BPTF: variants seen among roughly 807,000 people sequenced by gnomAD.
BPTF encodes bromodomain PHD finger transcription factor.
Under a neutral mutation model 292.5 loss-of-function variants are expected in BPTF, and 18 were observed. That is an observed-to-expected ratio of 0.06 (90% CI 0.04 to 0.09). BPTF has a LOEUF of 0.09. Among genes scored for constraint, BPTF ranks in the 10% least tolerant of loss-of-function variants. The pLI, the probability that BPTF is intolerant of heterozygous loss-of-function variation, is 1.00. For synonymous variants in BPTF, 1,225 were observed against 1,251.9 expected (o/e 0.98, Z 0.45); for missense variants, 2,726 against 3,498.7 (o/e 0.78, Z 5.57).
In BPTF at chr17:67,944,295, G is replaced by A. The variant is rs1480688167; in HGVS notation, c.6623G>A (p.Arg2208Gln). 2 of 1,614,154 alleles carry A rather than the reference G, an allele frequency of 1.2e-6. No individual in the cohort carries two copies. Among genetic ancestry groups the A allele is most frequent in the Non-Finnish European group, 1.7e-6 (2 of 1,180,036 alleles). Residue 2208 changes from arginine to glutamine, a missense_variant, in exon 20 of 28, where the codon CGA becomes CAA. Coordinates refer to ENST00000306378, the MANE Select transcript of BPTF (RefSeq NM_182641.4). The part of the protein sequence containing the change: ...QAAMPNGTVQ[R>Q]FLFTPLATTA... The stretch of plus-strand genomic sequence containing the variant: ...GCAATGCCAAATGGTACTGTTCAGC[G>A]ATTCCTCTTTACCCCATTGGCAACA...
At chr17:67,909,836 G>C (rs1254086879) in intron 10 of BPTF, 75 bp downstream of exon 10, 1 of 1,243,464 alleles carries the variant, frequency 8.0e-7, no homozygotes, top group Admixed American at 2.9e-5. Flanking sequence ...CCACAGGAAA[G>C]GTACTGCGTT....
intron 1 of BPTF, among the ~76,000 whole-genome samples, chr17:67,836,764 T>G (rs1016817289): frequency 4.6e-5 from 7 of 152,238 alleles, no homozygotes; most frequent in African/African-American, 1.4e-4. Context: ...GCAAAATTAT[T>G]TCACACACTT....
chr17:67,976,079 AAAAT>A (rs1256898522), intron 27 of BPTF, 121 bp downstream of exon 27: 1 of 737,580 alleles, frequency 1.4e-6, no homozygotes, highest in African/African-American at 1.8e-5. Flanking sequence ...CTTTAAAAAA[AAAAT>A]AAATAAATCA....
chr17:67,863,917 T>C (rs1488165902), intron 2 of BPTF, among the ~76,000 whole-genome samples: 1 of 151,786 alleles, frequency 6.6e-6, no homozygotes, highest in Non-Finnish European at 1.5e-5. Context: ...TGTAGACATA[T>C]AATATGTATG....
At chr17:67,844,189 C>T (rs1478400719) in intron 1 of BPTF, among the ~76,000 whole-genome samples, 12 of 149,340 alleles carry the variant, frequency 8.0e-5, no homozygotes, top group South Asian at 4.3e-4. Context: ...AAGTGAGTCT[C>T]GTGCCACAGC....
chr17:67,969,350 G>C (rs2068495760), intron 26 of BPTF, among the ~76,000 whole-genome samples: 1 of 149,764 alleles, frequency 6.7e-6, no homozygotes, highest in South Asian at 2.1e-4. Context: ...TACTAAGGAG[G>C]CTGAGGCACA....
Position 67,904,792 on chromosome 17 carries a change from A to G in BPTF, c.2764A>G (p.Lys922Glu). Residue 922 changes from lysine to glutamate, a missense_variant, in exon 9 of 28, where the codon AAA becomes GAA. By Grantham distance (56) the Lys-to-Glu change is moderately conservative (BLOSUM62 1). Around this residue, in one of 22 missense-constraint regions of BPTF, gnomAD observed 99 missense variants for 227.1 expected, o/e 0.44. Coordinates refer to ENST00000306378, the MANE Select transcript of BPTF (RefSeq NM_182641.4). The stretch of plus-strand genomic sequence containing the variant: ...AACTCATGTTTATAGGTTTGTTCCT[A>G]AATTGCCAGGCAATACTAATGTGAA... ...SKTHVYRFVP[K>E]LPGNTNVNYR... 1 of 1,613,226 alleles carries G rather than the reference A, an allele frequency of 6.2e-7. No homozygotes were observed. Among genetic ancestry groups the G allele is most frequent in the Non-Finnish European group, 8.5e-7 (1 of 1,179,328 alleles).
At chr17:67,919,398 A>G (rs1200170025) in intron 12 of BPTF, among the ~76,000 whole-genome samples, 3 of 151,912 alleles carry the variant, frequency 2.0e-5, no homozygotes, top group Admixed American at 1.3e-4. Context: ...AAAGAAAAAA[A>G]TCAACTAGGC....
At position 67,983,099 on chromosome 17, in the gene BPTF, A is replaced by C. The variant is rs1489965961; in HGVS notation, c.*811A>C. 6.6e-6 allele frequency: 1 copy of C among 152,544 alleles called. No individual in the cohort carries two copies. Among genetic ancestry groups the C allele is most frequent in the Non-Finnish European group, 1.5e-5 (1 of 68,042 alleles). 9.4% of individuals were successfully genotyped at this position (152,544 alleles called of 1,614,324 possible). A position where few individuals can be genotyped will look rare whatever the true frequency, so the allele number is the denominator to read the frequency against. ...TCTAATTTTTTTCTTTTGTATTAAA[A>C]TTCAACTATGGATGTATATGAAACA... is the stretch of plus-strand genomic sequence containing the variant. On this transcript the variant is annotated 3_prime_UTR_variant, in exon 28 of 28. Transcript: ENST00000306378.
chr17:67,861,203 C>T (rs2059056392), intron 2 of BPTF, among the ~76,000 whole-genome samples: 1 of 152,174 alleles, frequency 6.6e-6, no homozygotes, highest in African/African-American at 2.4e-5. Context: ...GTTTGCTATG[C>T]CTTTAAAATA....
intron 15 of BPTF, among the ~76,000 whole-genome samples, chr17:67,927,336 G>A (rs1227942920): frequency 6.6e-6 from 1 of 152,112 alleles, no homozygotes; most frequent in Non-Finnish European, 1.5e-5. Flanking sequence ...CACCACTGTT[G>A]ATAAGCTGTT....
At chr17:67,883,567 G>T (rs539478191) in intron 4 of BPTF, among the ~76,000 whole-genome samples, 1 of 151,966 alleles carries the variant, frequency 6.6e-6, no homozygotes, top group South Asian at 2.1e-4. Context: ...TTGGTTTTTG[G>T]TTATTCTTGA....
At chr17:67,947,293 G>A (rs1350350855) in intron 21 of BPTF, among the ~76,000 whole-genome samples, 5 of 152,042 alleles carry the variant, frequency 3.3e-5, no homozygotes, top group Admixed American at 1.3e-4. Flanking sequence ...CTGTCTATCC[G>A]CTAATCTTTG....
chr17:67,827,989 T>C (rs2056261897), intron 1 of BPTF, among the ~76,000 whole-genome samples: 1 of 149,970 alleles, frequency 6.7e-6, no homozygotes, highest in Non-Finnish European at 1.5e-5. Context: ...TGGAGTGCAG[T>C]GTCCTGATCT....
At chr17:67,880,486 C>T (rs976562318) in intron 4 of BPTF, among the ~76,000 whole-genome samples, 1 of 152,106 alleles carries the variant, frequency 6.6e-6, no homozygotes, top group Non-Finnish European at 1.5e-5. Context: ...AAATGCATGA[C>T]CAGAACACAA....
At chr17:67,850,399 G>A (rs1429107795) in intron 1 of BPTF, among the ~76,000 whole-genome samples, 1 of 152,150 alleles carries the variant, frequency 6.6e-6, no homozygotes, top group Non-Finnish European at 1.5e-5. Context: ...CTGAGACAGA[G>A]TCTCGCTCTG....
At chr17:67,980,608 G>T (rs1555696295) in intron 27 of BPTF, among the ~76,000 whole-genome samples, 1 of 152,138 alleles carries the variant, frequency 6.6e-6, no homozygotes, top group Admixed American at 6.6e-5. Context: ...TGCTGGCAGA[G>T]CCCACAGGAT....
In BPTF at chr17:67,982,438, T is replaced by A. The variant is rs1167734164; in HGVS notation, c.*150T>A. ...ATTGGTCATAACAGTCCAATTATAT[T>A]CTTGGCCAATTTTGTCCAACGGACA... On this transcript the variant is annotated 3_prime_UTR_variant, in exon 28 of 28. Transcript: ENST00000306378. 1 of 567,952 alleles carries A rather than the reference T, an allele frequency of 1.8e-6. No homozygotes were observed. Among genetic ancestry groups the A allele is most frequent in the African/African-American group, 1.9e-5 (1 of 51,586 alleles). The allele number at this position is 567,952 out of a possible 1,614,324, so 35.2% of individuals were successfully genotyped here.
At chr17:67,894,436 C>G (rs1018484602) in intron 7 of BPTF, among the ~76,000 whole-genome samples, 1 of 151,602 alleles carries the variant, frequency 6.6e-6, no homozygotes, top group East Asian at 1.9e-4. Context: ...TCAAGCGATT[C>G]TCTTGTTTCA....
Sources: gnomAD v4.1 joint callset for allele counts (sites outside exome capture counted in the v4.1 genomes callset) on GRCh38, gnomAD v4.1.1 for gene constraint, gnomAD v4.1.1 regional missense constraint, MANE v1.5 for transcripts, NCBI Gene and HGNC (gene_info 2026-07-23, HGNC 2026-07-21) for gene names.